NLK: variants seen among roughly 807,000 people sequenced by gnomAD.
The protein encoded by NLK is nemo like kinase, also known as serine/threonine-protein kinase NLK.
Under a neutral mutation model 59.0 loss-of-function variants are expected in NLK, and 11 were observed. The observed-to-expected ratio is 0.19, with a 90% CI of 0.12 to 0.31. The LOEUF is 0.31. NLK is among the 10% of genes least tolerant of loss of function. The pLI is 1.00. For missense variants in NLK, 410 were observed against 661.1 expected, an observed-to-expected ratio of 0.62 and a Z score of 4.16; for synonymous variants, 235 against 235.9, an observed-to-expected ratio of 1.00 and a Z score of 0.03.
chr17:28,129,339 GCTA>G (rs1480985848), intron 2 of NLK, among the ~76,000 whole-genome samples: 2 of 152,144 alleles, frequency 1.3e-5, no homozygotes, highest in African/African-American at 4.8e-5. Flanking sequence ...CGTAGTCCCA[GCTA>G]CTTGGGAGGC....
intron 3 of NLK, among the ~76,000 whole-genome samples, chr17:28,144,914 C>T (rs1051441002): frequency 1.3e-5 from 2 of 152,148 alleles, no homozygotes; most frequent in African/African-American, 4.8e-5. Context: ...GAGAGCAGTA[C>T]CTCAGGAAAC....
rs1056884494 is a variant in NLK, at chr17:28,062,140, G to C, written c.458+18809G>C. ...GTTAAAACTGCATAAATAAGACTGG[G>C]ATATTAAAGTGTCAGAAAGAGAGAG... On this transcript the variant is annotated intron_variant, in intron 1 of 10. Coordinates refer to ENST00000407008, the MANE Select transcript of NLK (RefSeq NM_016231.5). 1.4e-4 allele frequency: 21 copies of C among 151,890 alleles called. No homozygotes were observed. The East Asian group carries it at 3.7e-3, about 27-fold the overall frequency. The allele number at this position is 151,890 out of a possible 1,614,324, so 9.4% of individuals were successfully genotyped here. A position where few individuals can be genotyped will look rare whatever the true frequency, so the allele number is the denominator to read the frequency against.
At chr17:28,105,533 T>C (rs931064695) in intron 1 of NLK, among the ~76,000 whole-genome samples, 11 of 152,204 alleles carry the variant, frequency 7.2e-5, no homozygotes, top group Admixed American at 5.2e-4. Flanking sequence ...GCTTTTCAAA[T>C]GGGAGAAAAT....
chr17:28,194,879 G>C lies in NLK; in HGVS notation c.*243G>C, dbSNP rs34827006. ...GAGTTGCACATGTTTTATGAATTTA[G>C]TGCAGCTGTTATGGCTCACCTCAGA... On this transcript the variant is annotated 3_prime_UTR_variant, in exon 11 of 11. Coordinates refer to ENST00000407008, the MANE Select transcript of NLK (RefSeq NM_016231.5). 6.8e-5 allele frequency: 25 copies of C among 366,028 alleles called. No individual in the cohort carries two copies. Among genetic ancestry groups the C allele is most frequent in the Non-Finnish European group, 1.2e-4 (24 of 203,510 alleles). The allele number at this position is 366,028 out of a possible 1,614,324, so 22.7% of individuals were successfully genotyped here. A position where few individuals can be genotyped will look rare whatever the true frequency, so the allele number is the denominator to read the frequency against.
At chr17:28,119,185 T>TAG (rs1368039454) in intron 1 of NLK, among the ~76,000 whole-genome samples, 1 of 152,190 alleles carries the variant, frequency 6.6e-6, no homozygotes, top group African/African-American at 2.4e-5. Flanking sequence ...CTTCCACACT[T>TAG]ATCTGTGTTC....
At chr17:28,061,739 C>CAT (rs534214569) in intron 1 of NLK, among the ~76,000 whole-genome samples, 128 of 145,874 alleles carry the variant, frequency 8.8e-4, no homozygotes, top group Non-Finnish European at 1.5e-3. Flanking sequence ...ATCATTATTT[C>CAT]ATATATATAT....
chr17:28,177,814 G>A (rs1373043621), intron 7 of NLK, among the ~76,000 whole-genome samples: 1 of 152,216 alleles, frequency 6.6e-6, no homozygotes, highest in Non-Finnish European at 1.5e-5. Context: ...ATAGTCTGGA[G>A]CAGATAGAGT....
chr17:28,055,085 A>ATTTTTTTTTTTTTTTTT (rs1241363925), intron 1 of NLK, among the ~76,000 whole-genome samples: 1 of 136,688 alleles, frequency 7.3e-6, no homozygotes, highest in Non-Finnish European at 1.6e-5. Context: ...TGTTGTGGGG[A>ATTTTTTTTTTTTTTTTT]TTTTTTTTTC....
At chr17:28,110,651 G>A (rs1905424877) in intron 1 of NLK, among the ~76,000 whole-genome samples, 1 of 151,838 alleles carries the variant, frequency 6.6e-6, no homozygotes, top group Non-Finnish European at 1.5e-5. Flanking sequence ...CAGTGTTACT[G>A]CATAGGTCTC....
chr17:28,061,371 A>G (rs933563797), intron 1 of NLK, among the ~76,000 whole-genome samples: 7 of 152,230 alleles, frequency 4.6e-5, no homozygotes, highest in Non-Finnish European at 1.0e-4. Context: ...TTAGTTATGT[A>G]TGATTCAACA....
chr17:28,092,037 G>A (rs895095992), intron 1 of NLK, among the ~76,000 whole-genome samples: 2 of 152,170 alleles, frequency 1.3e-5, no homozygotes, highest in Non-Finnish European at 2.9e-5. Context: ...GAAATCATTA[G>A]AGCTAACAAT....
At chr17:28,139,958 A>G (rs536940475) in intron 3 of NLK, among the ~76,000 whole-genome samples, 3 of 152,288 alleles carry the variant, frequency 2.0e-5, no homozygotes, top group Admixed American at 6.5e-5. Context: ...TTAAAAGGAG[A>G]GATTACTTCA....
At chr17:28,172,702 T>G (rs1187893037) in intron 7 of NLK, 84 bp downstream of exon 7, 1 of 670,176 alleles carries the variant, frequency 1.5e-6, no homozygotes, top group African/African-American at 1.9e-5. Flanking sequence ...TTAAGGATTT[T>G]TAAGCAAATG....
At chr17:28,190,239 A>G (rs1348999631) in intron 8 of NLK, among the ~76,000 whole-genome samples, 3 of 152,184 alleles carry the variant, frequency 2.0e-5, no homozygotes, top group Non-Finnish European at 4.4e-5. Flanking sequence ...AGAAGGGACA[A>G]TTTCTTTAAT....
intron 1 of NLK, among the ~76,000 whole-genome samples, chr17:28,098,100 G>T (rs1904766318): frequency 1.3e-5 from 2 of 152,110 alleles, no homozygotes; most frequent in African/African-American, 4.8e-5. Flanking sequence ...ATAGATAAGG[G>T]AACTGAGACC....
rs35187605 is a variant in NLK, at chr17:28,194,983, T to TCACACACACA, written c.*370_*379dup. The TCACACACACA allele has an allele frequency of 4.1e-3, 642 of 158,468 alleles. 10 individuals are homozygous for TCACACACACA. The East Asian group carries it at 0.054, about 13-fold the overall frequency. The allele number at this position is 158,468 out of a possible 1,614,324, so 9.8% of individuals were successfully genotyped here. On this transcript the variant is annotated 3_prime_UTR_variant, in exon 11 of 11. Transcript: ENST00000407008. ...CTTTTCTAAAATGAAGTGAGATTGTTCACACACACACACACACACACACAC... is the reference window on the plus strand; with the variant it reads ...CTTTTCTAAAATGAAGTGAGATTGTTCACACACACACACACACACACACACACACACACAC...
intron 1 of NLK, among the ~76,000 whole-genome samples, chr17:28,100,334 T>C (rs565281809): frequency 2.0e-4 from 31 of 152,314 alleles, no homozygotes; most frequent in African/African-American, 7.2e-4. Flanking sequence ...TGACCACTTA[T>C]TATTTTCAGA....
intron 1 of NLK, among the ~76,000 whole-genome samples, chr17:28,066,091 G>A (rs1303507775): frequency 1.3e-5 from 2 of 152,116 alleles, no homozygotes; most frequent in Admixed American, 1.3e-4. Flanking sequence ...TTCTCTTCCA[G>A]TTTTTCCAGA....
chr17:28,152,290 T>C (rs1391867323), intron 3 of NLK, among the ~76,000 whole-genome samples: 1 of 152,242 alleles, frequency 6.6e-6, no homozygotes, highest in Non-Finnish European at 1.5e-5. Flanking sequence ...CATTATTTCA[T>C]ACTTACTCTG....
Sources: allele counts gnomAD v4.1 joint callset (sites outside exome capture counted in the v4.1 genomes callset), GRCh38; gene constraint gnomAD v4.1.1; transcripts MANE v1.5; gene names NCBI Gene and HGNC (gene_info 2026-07-23, HGNC 2026-07-21).